NCKAP5: variants seen among roughly 807,000 people sequenced by gnomAD.
The protein encoded by NCKAP5 is nck-associated protein 5.
A neutral mutation model predicts 167.0 loss-of-function variants in NCKAP5; 92 were observed. The observed-to-expected ratio is 0.55, with a 90% confidence interval of 0.47 to 0.66. The LOEUF (loss-of-function observed/expected upper bound fraction) is 0.66. Ranked by LOEUF, NCKAP5 falls within the 30% of genes least tolerant of loss-of-function variation. The pLI is 0.00. For missense variants in NCKAP5, 2,378 were observed against 2,315.0 expected (o/e 1.03, Z -0.56); for synonymous variants, 891 against 877.4 (o/e 1.02, Z -0.27).
At chr2:133,269,588 G>A (rs535416127) in intron 4 of NCKAP5, among the ~76,000 whole-genome samples, 1 of 152,300 alleles carries the variant, frequency 6.6e-6, no homozygotes, top group African/African-American at 2.4e-5. Context: ...ACAGGACACA[G>A]TGAAGGGAGA....
At chr2:132,951,458 T>A (rs1473793068) in intron 8 of NCKAP5, among the ~76,000 whole-genome samples, 3 of 152,202 alleles carry the variant, frequency 2.0e-5, no homozygotes, top group African/African-American at 7.2e-5. Flanking sequence ...TCCTCCCACA[T>A]CCACATCTTA....
At chr2:132,890,742 T>G (rs1692630602) in intron 8 of NCKAP5, among the ~76,000 whole-genome samples, 4 of 152,208 alleles carry the variant, frequency 2.6e-5, no homozygotes, top group African/African-American at 9.6e-5. Context: ...GCTGCCATAG[T>G]GGCCATATGT....
chr2:132,990,286 T>G lies in NCKAP5; in HGVS notation c.429+3866A>C, dbSNP rs184724750. On this transcript the variant is annotated intron_variant, in intron 7 of 19. Transcript: ENST00000409261. ...GCTTATATTTTGGCTTCTATTACGTTGTTGAATATATATGATTATCTACCT... is the reference window on the plus strand; with the variant it reads ...GCTTATATTTTGGCTTCTATTACGTGGTTGAATATATATGATTATCTACCT... Among the ~76,000 whole-genome samples, 1,008 of 152,300 alleles carry G rather than the reference T, an allele frequency of 6.6e-3. 9 individuals are homozygous for G. Among genetic ancestry groups the G allele is most frequent in the Non-Finnish European group, 0.01 (701 of 68,022 alleles).
At position 133,402,747 on chromosome 2, in the gene NCKAP5, T is replaced by C. The variant is rs187226947; in HGVS notation, c.70-99637A>G. ...GCTCCCCCTTCACTTTCCATCTTGATTGTCAACCTCCTGAGGCCCTCACCA... is the reference window on the plus strand; with the variant it reads ...GCTCCCCCTTCACTTTCCATCTTGACTGTCAACCTCCTGAGGCCCTCACCA... On this transcript the variant is annotated intron_variant, in intron 3 of 19. Coordinates refer to ENST00000409261, the MANE Select transcript of NCKAP5 (RefSeq NM_207363.3). Among the ~76,000 whole-genome samples the C allele has an allele frequency of 4.6e-5, 7 of 152,280 alleles. No individual in the cohort carries two copies. The East Asian group carries it at 7.7e-4, about 17-fold the overall frequency.
At chr2:132,861,477 T>C (rs1689905907) in intron 10 of NCKAP5, among the ~76,000 whole-genome samples, 2 of 147,936 alleles carry the variant, frequency 1.4e-5, no homozygotes, top group Admixed American at 6.8e-5. Context: ...TTTCAAACTA[T>C]CTTTCACTAC....
the NCKAP5 span, among the ~76,000 whole-genome samples, chr2:133,614,196 G>C: frequency 6.6e-6 from 1 of 152,168 alleles, no homozygotes. Context: ...TCAACAGGGA[G>C]TCTCGTGGTC....
chr2:133,464,748 G>C (rs879382676), intron 3 of NCKAP5, among the ~76,000 whole-genome samples: 2 of 152,180 alleles, frequency 1.3e-5, no homozygotes, highest in Admixed American at 6.6e-5. Context: ...AGTAGCCTGA[G>C]ATGTGGGAAG....
At chr2:133,591,818 A>AT in the NCKAP5 span, among the ~76,000 whole-genome samples, 1 of 152,136 alleles carries the variant, frequency 6.6e-6, no homozygotes, top group African/African-American at 2.4e-5. Context: ...CACGACTTTA[A>AT]TTTTTTTCCT....
the NCKAP5 span, among the ~76,000 whole-genome samples, chr2:133,622,356 CTGA>C: frequency 6.6e-6 from 1 of 152,118 alleles, no homozygotes; most frequent in Non-Finnish European, 1.5e-5. Flanking sequence ...TCTCTGTTTG[CTGA>C]TGATATGATT....
At chr2:133,193,438 A>C (rs1249932892) in intron 5 of NCKAP5, among the ~76,000 whole-genome samples, 1 of 152,138 alleles carries the variant, frequency 6.6e-6, no homozygotes, top group African/African-American at 2.4e-5. Context: ...ATGATTTCTT[A>C]CAACTTCATG....
At position 133,279,895 on chromosome 2, in the gene NCKAP5, A is replaced by T. The variant is rs2089875888; in HGVS notation, c.143+23142T>A. Among the ~76,000 whole-genome samples, 3 of 152,234 alleles carry T rather than the reference A, an allele frequency of 2.0e-5. No homozygotes were observed. In the South Asian group the frequency reaches 6.2e-4, roughly 32 times the overall value. Reference sequence around the variant, plus strand: ...TTCACACAACCATCATTCATTAGGAAATTAATACAATCAGGTTCATGTGTC... The same window carrying T: ...TTCACACAACCATCATTCATTAGGATATTAATACAATCAGGTTCATGTGTC... On this transcript the variant is annotated intron_variant, in intron 4 of 19. Transcript: ENST00000409261.
At chr2:133,624,625 C>A in the NCKAP5 span, among the ~76,000 whole-genome samples, 28 of 152,250 alleles carry the variant, frequency 1.8e-4, no homozygotes, top group East Asian at 4.2e-3. Context: ...ATAATTATAA[C>A]GTAATTGCTA....
chr2:133,434,932 G>A (rs886301101), intron 3 of NCKAP5, among the ~76,000 whole-genome samples: 1 of 152,142 alleles, frequency 6.6e-6, no homozygotes, highest in Non-Finnish European at 1.5e-5. Flanking sequence ...TAATGAGAGA[G>A]CAATGAACAA....
intron 3 of NCKAP5, among the ~76,000 whole-genome samples, chr2:133,463,361 G>T (rs1291094852): frequency 6.6e-6 from 1 of 152,196 alleles, no homozygotes; most frequent in Non-Finnish European, 1.5e-5. Flanking sequence ...GTAGATGTTT[G>T]CCCTTTTGTG....
chr2:133,293,562 G>A (rs1442927146), intron 4 of NCKAP5, among the ~76,000 whole-genome samples: 1 of 151,994 alleles, frequency 6.6e-6, no homozygotes, highest in Non-Finnish European at 1.5e-5. Flanking sequence ...TTTCATCAGG[G>A]GCTTCATGGT....
chr2:132,981,634 A>G (rs1344211294), intron 7 of NCKAP5, among the ~76,000 whole-genome samples: 2 of 152,156 alleles, frequency 1.3e-5, no homozygotes, highest in Admixed American at 1.3e-4. Context: ...GACTTATTCA[A>G]TCACTGTAGA....
At chr2:132,726,297 T>C (rs540838394) in intron 18 of NCKAP5, among the ~76,000 whole-genome samples, 29 of 152,240 alleles carry the variant, frequency 1.9e-4, no homozygotes, top group Non-Finnish European at 4.1e-4. Context: ...GCTGACTCCA[T>C]GTAATCCTCA....
At chr2:133,204,832 G>A (rs1298233898) in intron 5 of NCKAP5, among the ~76,000 whole-genome samples, 3 of 152,134 alleles carry the variant, frequency 2.0e-5, no homozygotes, top group Non-Finnish European at 2.9e-5. Flanking sequence ...GTGATGTTTT[G>A]ACTTACAATG....
At chr2:133,032,358 T>G (rs945444008) in intron 6 of NCKAP5, among the ~76,000 whole-genome samples, 10 of 152,182 alleles carry the variant, frequency 6.6e-5, no homozygotes, top group African/African-American at 2.4e-4. Flanking sequence ...GCAGTGGGTA[T>G]GGGTGAGGCT....
Sources: allele counts gnomAD v4.1 joint callset (sites outside exome capture counted in the v4.1 genomes callset), GRCh38; gene constraint gnomAD v4.1.1; transcripts MANE v1.5; gene names NCBI Gene and HGNC (gene_info 2026-07-23, HGNC 2026-07-21).